TACC2: variants seen among roughly 807,000 people sequenced by gnomAD.
TACC2 encodes transforming acidic coiled-coil containing protein 2.
TACC2 carries 137 observed loss-of-function variants against 227.3 expected under a neutral mutation model. That is an observed-to-expected ratio of 0.60 (90% CI 0.52 to 0.69). The LOEUF is 0.69. Ranked by LOEUF, TACC2 falls within the 30% of genes least tolerant of loss-of-function variation. The pLI is 0.00. For synonymous variants in TACC2, 1,523 were observed against 1,487.5 expected, an observed-to-expected ratio of 1.02 and a Z score of -0.55; for missense variants, 3,470 against 3,694.4, an observed-to-expected ratio of 0.94 and a Z score of 1.57.
chr10:122,158,163 G>C (rs1257252423), intron 7 of TACC2, among the ~76,000 whole-genome samples: 1 of 152,132 alleles, frequency 6.6e-6, no homozygotes, highest in Non-Finnish European at 1.5e-5. Flanking sequence ...CAAGGCAGGC[G>C]GATCACTTGA....
chr10:122,066,117 G>C (rs1446972294), intron 3 of TACC2, among the ~76,000 whole-genome samples: 5 of 146,246 alleles, frequency 3.4e-5, no homozygotes, highest in Admixed American at 2.7e-4. Context: ...TTTTTTTTGA[G>C]ACAGGGTCTC....
intron 7 of TACC2, among the ~76,000 whole-genome samples, chr10:122,176,105 CTCTCTCTCTCTCTATATATATATATA>C (rs1339904953): frequency 0.011 from 800 of 73,376 alleles, 5 homozygotes; most frequent in African/African-American, 0.043. Context: ...CTCTCTCTCT[CTCTCTCTCTCTCTATATATATATATA>C]TATATATATA....
intron 3 of TACC2, among the ~76,000 whole-genome samples, chr10:122,068,978 G>C (rs574024735): frequency 2.7e-5 from 4 of 145,984 alleles, no homozygotes; most frequent in Non-Finnish European, 4.5e-5. Context: ...CATTACAGGC[G>C]TGAGGCACCG....
chr10:122,111,009 A>G (rs2083520370), intron 5 of TACC2, among the ~76,000 whole-genome samples: 1 of 152,068 alleles, frequency 6.6e-6, no homozygotes, highest in African/African-American at 2.4e-5. Flanking sequence ...TTCATCTTCA[A>G]AGTCAGCATC....
At chr10:122,250,995 C>CTGCA (rs530032351) in intron 22 of TACC2, among the ~76,000 whole-genome samples, 1 of 134,634 alleles carries the variant, frequency 7.4e-6, no homozygotes, top group African/African-American at 2.8e-5. Context: ...TCATGGCTCA[C>CTGCA]TGCAGCCTCA....
Position 122,050,552 on chromosome 10 carries a change from T to A in TACC2, c.146+2T>A, listed in dbSNP as rs776420912. The A allele has an allele frequency of 6.2e-7, 1 of 1,611,012 alleles. No homozygotes were observed. Among genetic ancestry groups the A allele is most frequent in the East Asian group, 2.2e-5 (1 of 44,816 alleles). On this transcript the variant is annotated splice_donor_variant, in intron 3 of 22. Transcript: ENST00000369005. LOFTEE classifies it high-confidence loss of function. The surrounding 1 kb of genome is among the most constrained non-coding windows in gnomAD (Gnocchi z 4.6). ...CCCTGACCACAGAGACGCGTCCAGGTAGGAGGCCAGCTCTGGAGGACTGAT... is the reference window on the plus strand; with the variant it reads ...CCCTGACCACAGAGACGCGTCCAGGAAGGAGGCCAGCTCTGGAGGACTGAT...
At chr10:122,113,718 A>G (rs187507653) in intron 5 of TACC2, among the ~76,000 whole-genome samples, 257 of 152,360 alleles carry the variant, frequency 1.7e-3, no homozygotes, top group Non-Finnish European at 2.8e-3. Context: ...CTAGCCATAA[A>G]ACTCTGCGCT....
chr10:122,036,861 T>A (rs931101815), intron 2 of TACC2, among the ~76,000 whole-genome samples: 1 of 152,238 alleles, frequency 6.6e-6, no homozygotes, highest in African/African-American at 2.4e-5. Flanking sequence ...ACCACTAAAC[T>A]TTTCCACAGC....
At chr10:121,997,294 T>C (rs2134965769) in intron 1 of TACC2, among the ~76,000 whole-genome samples, 1 of 152,248 alleles carries the variant, frequency 6.6e-6, no homozygotes, top group Middle Eastern at 3.4e-3. Context: ...TTCATTCTGG[T>C]CTGAGGGTGG....
At chr10:122,076,244 T>A (rs1268917921) in intron 3 of TACC2, among the ~76,000 whole-genome samples, 1 of 152,082 alleles carries the variant, frequency 6.6e-6, no homozygotes, top group Non-Finnish European at 1.5e-5. Flanking sequence ...CTAGCTCAAG[T>A]CTCCCTTCCT....
At chr10:122,124,978 T>C (rs1167887660) in intron 5 of TACC2, among the ~76,000 whole-genome samples, 10 of 130,870 alleles carry the variant, frequency 7.6e-5, no homozygotes, top group African/African-American at 2.9e-4. Context: ...AGCCCCCCAG[T>C]GTGCCTTTCT....
At chr10:122,114,268 C>T (rs1359738193) in intron 5 of TACC2, among the ~76,000 whole-genome samples, 1 of 152,170 alleles carries the variant, frequency 6.6e-6, no homozygotes, top group Non-Finnish European at 1.5e-5. Flanking sequence ...TTCTCTGATT[C>T]CTTATTGAGG....
At chr10:122,072,853 C>T (rs377720388) in intron 3 of TACC2, among the ~76,000 whole-genome samples, 11 of 151,990 alleles carry the variant, frequency 7.2e-5, no homozygotes, top group Admixed American at 2.0e-4. Context: ...TGGCGGCTCA[C>T]GCGTAATCCC....
chr10:122,254,144 G>C lies in TACC2; in HGVS notation c.*88G>C. 8.7e-7 allele frequency: 1 copy of C among 1,151,652 alleles called. No individual in the cohort carries two copies. The highest frequency in any genetic ancestry group is 1.3e-6 in the Non-Finnish European group (1 of 758,308). 71.3% of individuals were successfully genotyped at this position (1,151,652 alleles called of 1,614,324 possible). On this transcript the variant is annotated 3_prime_UTR_variant, in exon 23 of 23. Coordinates refer to ENST00000369005, the MANE Select transcript of TACC2 (RefSeq NM_206862.4). ...TCCTCCAGTTCCATGGACAGGTTCTGTTTTCACTTTTTCGTATGCACTACT... is the reference window on the plus strand; with the variant it reads ...TCCTCCAGTTCCATGGACAGGTTCTCTTTTCACTTTTTCGTATGCACTACT...
Position 122,070,525 on chromosome 10 carries a change from G to A in TACC2, c.147-12122G>A, listed in dbSNP as rs140680143. On this transcript the variant is annotated intron_variant, in intron 3 of 22. Coordinates refer to ENST00000369005, the MANE Select transcript of TACC2 (RefSeq NM_206862.4). The stretch of plus-strand genomic sequence containing the variant: ...ATCCCAGCATTTTGGAGGCTAAGGC[G>A]GGCGGATCACCTGAGGTCGGGAGTT... Among the ~76,000 whole-genome samples, 1,494 of 152,136 alleles carry A rather than the reference G, an allele frequency of 9.8e-3. 26 individuals carry two copies. The highest frequency in any genetic ancestry group is 0.034 in the African/African-American group (1,422 of 41,490).
intron 2 of TACC2, among the ~76,000 whole-genome samples, chr10:122,034,185 C>T (rs1269939493): frequency 7.4e-5 from 6 of 80,982 alleles, no homozygotes; most frequent in Non-Finnish European, 1.2e-4. Context: ...AGCTGCTCTG[C>T]CCCGGAGGAT....
chr10:122,171,469 T>G (rs1050204965), intron 7 of TACC2, among the ~76,000 whole-genome samples: 2 of 152,172 alleles, frequency 1.3e-5, no homozygotes, highest in African/African-American at 4.8e-5. Flanking sequence ...TGGGCCAAGT[T>G]TACCATCAAC....
chr10:122,117,415 G>A (rs1007562144), intron 5 of TACC2, among the ~76,000 whole-genome samples: 3 of 151,906 alleles, frequency 2.0e-5, no homozygotes, highest in Non-Finnish European at 2.9e-5. Context: ...GGCTGGTCTC[G>A]AACTCCTGCT....
intron 5 of TACC2, among the ~76,000 whole-genome samples, chr10:122,097,623 C>T (rs1025263199): frequency 6.6e-6 from 1 of 151,788 alleles, no homozygotes; most frequent in Non-Finnish European, 1.5e-5. Context: ...AAGCTGGAGG[C>T]TAGGGTTGGT....
Sources: gnomAD v4.1 joint callset for allele counts (sites outside exome capture counted in the v4.1 genomes callset) on GRCh38, gnomAD v4.1.1 for gene constraint, Gnocchi (gnomAD v3.1) non-coding constraint, MANE v1.5 for transcripts, NCBI Gene and HGNC (gene_info 2026-07-23, HGNC 2026-07-21) for gene names.